Variants in EVC2 observed in about 807,000 individuals in gnomAD.
EVC2 encodes EvC ciliary complex subunit 2.
A neutral mutation model predicts 149.3 loss-of-function variants in EVC2; 148 were observed. The ratio of observed to expected loss-of-function variants is 0.99; its 90% CI spans 0.87 to 1.14. EVC2 has a LOEUF of 1.14. Among genes scored for constraint, EVC2 ranks in the 50% most tolerant of loss-of-function variants. The probability of loss-of-function intolerance (pLI) is 0.00; values close to 1 mark genes in which losing one functional copy is unlikely to be tolerated. For missense variants in EVC2, 1,854 were observed against 1,627.3 expected, an observed-to-expected ratio of 1.14 and a Z score of -2.40; for synonymous variants, 776 against 649.9, an observed-to-expected ratio of 1.19 and a Z score of -2.95.
intron 7 of EVC2, among the ~76,000 whole-genome samples, chr4:5,680,894 C>T (rs966052193): frequency 6.8e-6 from 1 of 148,098 alleles, no homozygotes; most frequent in Non-Finnish European, 1.5e-5. Flanking sequence ...CAGAGAGACC[C>T]GCCCCACAGA....
chr4:5,665,407 C>A lies in EVC2; in HGVS notation c.1005+108G>T, dbSNP rs79284218. ...CCTGGGCATGGGTTTTTGTGCACAG[C>A]TCCCTCAGCAATGCTGATGGGGATC... On this transcript the variant is annotated intron_variant, in intron 8 of 21. Transcript: ENST00000344408. The A allele has an allele frequency of 0.17, 265,377 of 1,544,522 alleles. 23,560 individuals are homozygous for A. The highest frequency in any genetic ancestry group is 0.22 in the Middle Eastern group (1,296 of 5,880).
chr4:5,627,088 T>C (rs1363821637), intron 12 of EVC2, among the ~76,000 whole-genome samples: 3 of 152,156 alleles, frequency 2.0e-5, no homozygotes, highest in African/African-American at 7.2e-5. Context: ...TGTTTCTGTT[T>C]CCCTGGAGTA....
At chr4:5,687,968 G>A (rs1720837235) in intron 5 of EVC2, among the ~76,000 whole-genome samples, 1 of 152,128 alleles carries the variant, frequency 6.6e-6, no homozygotes, top group African/African-American at 2.4e-5. Context: ...CAGTCACAAG[G>A]CTGGGAGTCA....
intron 11 of EVC2, among the ~76,000 whole-genome samples, chr4:5,630,544 C>T (rs1365300008): frequency 2.0e-5 from 3 of 152,154 alleles, no homozygotes; most frequent in African/African-American, 7.2e-5. Context: ...GAAAATTAAC[C>T]AGCAAGCCAC....
At chr4:5,646,162 C>G (rs1717695414) in intron 9 of EVC2, among the ~76,000 whole-genome samples, 1 of 152,172 alleles carries the variant, frequency 6.6e-6, no homozygotes, top group Non-Finnish European at 1.5e-5. Flanking sequence ...AACTCCTGAC[C>G]TCAAGTGATC....
At chr4:5,593,314 T>C (rs1713009558) in intron 16 of EVC2, among the ~76,000 whole-genome samples, 1 of 152,212 alleles carries the variant, frequency 6.6e-6, no homozygotes, top group Admixed American at 6.5e-5. Context: ...CCTGCCCTTC[T>C]TTCAAGTGTG....
At chr4:5,630,145 A>AACCT (rs1350391507) in intron 11 of EVC2, among the ~76,000 whole-genome samples, 1 of 152,162 alleles carries the variant, frequency 6.6e-6, no homozygotes, top group Non-Finnish European at 1.5e-5. Flanking sequence ...TAGTGGGAAA[A>AACCT]ACCTAGATTA....
At chr4:5,579,343 A>C (rs914685210) in intron 17 of EVC2, among the ~76,000 whole-genome samples, 1 of 152,202 alleles carries the variant, frequency 6.6e-6, no homozygotes, top group African/African-American at 2.4e-5. Context: ...CATGGGATGG[A>C]CATGAGGTTT....
At chr4:5,659,308 C>G (rs1000529013) in intron 9 of EVC2, among the ~76,000 whole-genome samples, 1 of 151,632 alleles carries the variant, frequency 6.6e-6, no homozygotes, top group Non-Finnish European at 1.5e-5. Context: ...GCATACTAAG[C>G]TCCTGCCATT....
chr4:5,669,630 C>T (rs1247340160), intron 7 of EVC2, among the ~76,000 whole-genome samples: 1 of 152,232 alleles, frequency 6.6e-6, no homozygotes, highest in Non-Finnish European at 1.5e-5. Context: ...TTCTGTCTCC[C>T]TGCCTCCCTC....
At chr4:5,653,324 G>GTCCC (rs1033436217) in intron 9 of EVC2, among the ~76,000 whole-genome samples, 2 of 152,210 alleles carry the variant, frequency 1.3e-5, no homozygotes, top group Non-Finnish European at 2.9e-5. Flanking sequence ...AGGGACTGCA[G>GTCCC]TCCCTCTCCA....
At chr4:5,668,573 G>A (rs182828088) in intron 7 of EVC2, among the ~76,000 whole-genome samples, 18 of 152,200 alleles carry the variant, frequency 1.2e-4, no homozygotes, top group East Asian at 1.9e-4. Context: ...CTGAATAAAC[G>A]TAAATAGCAT....
At chr4:5,660,701 C>T (rs1718821803) in intron 9 of EVC2, among the ~76,000 whole-genome samples, 1 of 152,218 alleles carries the variant, frequency 6.6e-6, no homozygotes, top group African/African-American at 2.4e-5. Context: ...TCACAAGTCT[C>T]TTTCACATCA....
rs1716911210 is a variant in EVC2, at chr4:5,636,725, A to G, written c.1470+3789T>C. On this transcript the variant is annotated intron_variant, in intron 10 of 21. Transcript: ENST00000344408. The surrounding 1 kb of genome is among the most constrained non-coding windows in gnomAD (Gnocchi z 4.6). Reference sequence around the variant, plus strand: ...GGGAGGGATGACTGTACTGTACTAAACTTTACTCAGGAAAGCTGATACTGC... The same window carrying G: ...GGGAGGGATGACTGTACTGTACTAAGCTTTACTCAGGAAAGCTGATACTGC... Among the ~76,000 whole-genome samples, 1 of 151,952 alleles carries G rather than the reference A, an allele frequency of 6.6e-6. No homozygotes were observed. Among genetic ancestry groups the G allele is most frequent in the South Asian group, 2.1e-4 (1 of 4,794 alleles).
intron 16 of EVC2, among the ~76,000 whole-genome samples, chr4:5,608,497 T>C (rs1714572787): frequency 1.3e-5 from 2 of 152,166 alleles, no homozygotes; most frequent in Admixed American, 6.5e-5. Context: ...GGTGTGTCTG[T>C]GTGGATGTTT....
chr4:5,533,669 C>T, the EVC2 span, among the ~76,000 whole-genome samples: 1 of 152,322 alleles, frequency 6.6e-6, no homozygotes, highest in Non-Finnish European at 1.5e-5. Flanking sequence ...CCCTGCACTA[C>T]CCATGTATCT....
intron 16 of EVC2, among the ~76,000 whole-genome samples, chr4:5,596,332 C>T (rs1713417027): frequency 6.6e-6 from 1 of 152,280 alleles, no homozygotes; most frequent in Non-Finnish European, 1.5e-5. Flanking sequence ...AAGCTCTCCT[C>T]AGCAAATATA....
intron 17 of EVC2, among the ~76,000 whole-genome samples, chr4:5,579,669 T>A (rs1711581873): frequency 6.6e-6 from 1 of 152,004 alleles, no homozygotes; most frequent in African/African-American, 2.4e-5. Context: ...TGGTGAAGCC[T>A]TGTCTCTACT....
chr4:5,663,056 T>A, intron 9 of EVC2, 51 bp downstream of exon 9: 1 of 1,611,394 alleles, frequency 6.2e-7, no homozygotes, highest in Non-Finnish European at 8.5e-7. Context: ...GTCACTGTCG[T>A]TAAAACATTC....
Sources: gnomAD v4.1 joint callset for allele counts (sites outside exome capture counted in the v4.1 genomes callset) on GRCh38, gnomAD v4.1.1 for gene constraint, Gnocchi (gnomAD v3.1) non-coding constraint, MANE v1.5 for transcripts, NCBI Gene and HGNC (gene_info 2026-07-23, HGNC 2026-07-21) for gene names.